Variants in SHISA6 observed in about 807,000 individuals in gnomAD.
SHISA6 encodes protein shisa-6.
A neutral mutation model predicts 47.9 loss-of-function variants in SHISA6; 22 were observed. The observed-to-expected ratio is 0.46, with a 90% CI of 0.33 to 0.66. The LOEUF (loss-of-function observed/expected upper bound fraction) is 0.66. SHISA6 is among the 30% of genes least tolerant of loss of function. The pLI is 0.02. For missense variants in SHISA6, 680 were observed against 764.6 expected (o/e 0.89, Z 1.30); for synonymous variants, 388 against 337.8 (o/e 1.15, Z -1.63).
chr17:11,436,199 T>C (rs1212096012), intron 3 of SHISA6, among the ~76,000 whole-genome samples: 5 of 152,136 alleles, frequency 3.3e-5, no homozygotes, highest in Non-Finnish European at 2.9e-5. Flanking sequence ...AAAGAGAAGG[T>C]CATGTGGGCA....
chr17:11,464,700 T>C (rs1467016926), intron 3 of SHISA6, among the ~76,000 whole-genome samples: 1 of 152,152 alleles, frequency 6.6e-6, no homozygotes, highest in African/African-American at 2.4e-5. Context: ...CCCAGCACTT[T>C]GGGAGGCCAA....
At chr17:11,402,357 T>A (rs1597495309) in intron 3 of SHISA6, among the ~76,000 whole-genome samples, 1 of 152,294 alleles carries the variant, frequency 6.6e-6, no homozygotes, top group South Asian at 2.1e-4. Flanking sequence ...GTGTAAAAAA[T>A]TAGGTTTCTT....
At chr17:11,521,610 CCCAGGGCAACA>C (rs2071630345) in intron 3 of SHISA6, among the ~76,000 whole-genome samples, 10 of 47,344 alleles carry the variant, frequency 2.1e-4, no homozygotes, top group Non-Finnish European at 3.9e-4. Context: ...ATAGTGAGAC[CCCAGGGCAACA>C]TAGTGAGACC....
At chr17:11,438,615 TC>T (rs1915008196) in intron 3 of SHISA6, among the ~76,000 whole-genome samples, 1 of 152,208 alleles carries the variant, frequency 6.6e-6, no homozygotes, top group African/African-American at 2.4e-5. Context: ...TATCAGACTT[TC>T]CTACCCTTAT....
Position 11,263,484 on chromosome 17 carries a change from A to G in SHISA6, c.757A>G (p.Lys253Glu). 1 of 1,551,674 alleles carries G rather than the reference A, an allele frequency of 6.4e-7. No individual in the cohort carries two copies. Among genetic ancestry groups the G allele is most frequent in the Non-Finnish European group, 8.7e-7 (1 of 1,146,948 alleles). The part of the protein sequence containing the change: ...KENTPVRSSS[K>E]NHYTPVRTAK... ...GAACACGCCGGTCAGATCGTCCTCC[A>G]AAAACCACTACACTCCTGTGCGTAC... Residue 253 changes from lysine to glutamate, a missense_variant, in exon 2 of 6, where the codon AAA becomes GAA. Lys to Glu is a moderately conservative substitution (Grantham distance 56). Transcript: ENST00000441885.
intron 1 of SHISA6, among the ~76,000 whole-genome samples, chr17:11,253,459 A>C (rs569992603): frequency 6.6e-6 from 1 of 152,306 alleles, no homozygotes; most frequent in African/African-American, 2.4e-5. Context: ...TTGGCATGTT[A>C]ATTCCAAATC....
chr17:11,450,086 C>T (rs1196516560), intron 3 of SHISA6, among the ~76,000 whole-genome samples: 1 of 152,036 alleles, frequency 6.6e-6, no homozygotes, highest in Admixed American at 6.5e-5. Flanking sequence ...GGAGTTTCAC[C>T]ATGTTAGCCA....
chr17:11,383,343 A>G (rs182631783), intron 3 of SHISA6, among the ~76,000 whole-genome samples: 125 of 152,280 alleles, frequency 8.2e-4, no homozygotes, highest in African/African-American at 2.9e-3. Flanking sequence ...AAGAATGCAT[A>G]TGGATCTGTC....
At chr17:11,315,367 C>G (rs1177657588) in intron 2 of SHISA6, among the ~76,000 whole-genome samples, 3 of 152,034 alleles carry the variant, frequency 2.0e-5, no homozygotes, top group Non-Finnish European at 2.9e-5. Context: ...AGTAAACTGT[C>G]GTATCACCTG....
chr17:11,347,647 C>T (rs8072140), intron 2 of SHISA6, among the ~76,000 whole-genome samples: 16,198 of 152,128 alleles, frequency 0.11, 899 homozygotes, highest in African/African-American at 0.13. Context: ...TCAAATGCAA[C>T]CTCACTATAA....
chr17:11,375,822 T>A (rs2142241529), intron 2 of SHISA6, among the ~76,000 whole-genome samples: 1 of 152,246 alleles, frequency 6.6e-6, no homozygotes, highest in South Asian at 2.1e-4. Flanking sequence ...TTTGTTGCTT[T>A]AGGGAGGGTT....
chr17:11,386,275 T>C (rs1308031460), intron 3 of SHISA6, among the ~76,000 whole-genome samples: 1 of 152,080 alleles, frequency 6.6e-6, no homozygotes, highest in Non-Finnish European at 1.5e-5. Context: ...CTTGGGAGGC[T>C]GAGACAGGAG....
rs559661000 is a variant in SHISA6, at chr17:11,247,759, C to A, written c.638+5699C>A. ...TTCCTGAGTTACGTTTATGACCTCACCTCTTTGGCGTCTTTCTTTTTTTTT... is the reference window on the plus strand; with the variant it reads ...TTCCTGAGTTACGTTTATGACCTCAACTCTTTGGCGTCTTTCTTTTTTTTT... On this transcript the variant is annotated intron_variant, in intron 1 of 5. Coordinates refer to ENST00000441885, the MANE Select transcript of SHISA6 (RefSeq NM_207386.4). Among the ~76,000 whole-genome samples, 5 of 151,702 alleles carry A rather than the reference C, an allele frequency of 3.3e-5. No homozygotes were observed. In the South Asian group the frequency reaches 8.3e-4, roughly 25 times the overall value.
chr17:11,496,736 C>A (rs893821451), intron 3 of SHISA6, among the ~76,000 whole-genome samples: 3 of 133,288 alleles, frequency 2.3e-5, no homozygotes, highest in Non-Finnish European at 3.2e-5. Flanking sequence ...GAGACTCCAT[C>A]TCAAAAAAAA....
chr17:11,523,368 C>A (rs971279087), intron 3 of SHISA6, among the ~76,000 whole-genome samples: 2 of 152,150 alleles, frequency 1.3e-5, no homozygotes, highest in African/African-American at 4.8e-5. Flanking sequence ...TGACAAAACA[C>A]CAAAAAGTGT....
At chr17:11,357,208 ATGAAG>A (rs1158097125) in intron 2 of SHISA6, among the ~76,000 whole-genome samples, 8 of 146,478 alleles carry the variant, frequency 5.5e-5, no homozygotes, top group Admixed American at 1.4e-4. Flanking sequence ...AAAAAAAAAA[ATGAAG>A]AAGAAGAAGA....
Position 11,241,362 on chromosome 17 carries a change from G to C in SHISA6, c.-61G>C. The C allele has an allele frequency of 2.0e-6, 2 of 1,000,292 alleles. No homozygotes were observed. Among genetic ancestry groups the C allele is most frequent in the Non-Finnish European group, 2.4e-6 (2 of 839,404 alleles). 62.0% of individuals were successfully genotyped at this position (1,000,292 alleles called of 1,614,324 possible). A position where few individuals can be genotyped will look rare whatever the true frequency, so the allele number is the denominator to read the frequency against. The stretch of plus-strand genomic sequence containing the variant: ...CCCGCGCGGCGGGTCCTCCGAGCCC[G>C]GCCCGCCGGGGGAGCGGCCTGCCGC... On this transcript the variant is annotated 5_prime_UTR_variant, in exon 1 of 6. Coordinates refer to ENST00000441885, the MANE Select transcript of SHISA6 (RefSeq NM_207386.4). This position sits in a 1 kb window ranked among gnomAD's most constrained non-coding sequence, Gnocchi z 5.5.
At chr17:11,547,768 G>C (rs912357939) in intron 3 of SHISA6, among the ~76,000 whole-genome samples, 1 of 152,192 alleles carries the variant, frequency 6.6e-6, no homozygotes, top group African/African-American at 2.4e-5. Context: ...GTAATTCTGT[G>C]AAAGAGTACT....
chr17:11,438,768 T>C (rs1235325912), intron 3 of SHISA6, among the ~76,000 whole-genome samples: 2 of 152,192 alleles, frequency 1.3e-5, no homozygotes, highest in Non-Finnish European at 2.9e-5. Context: ...CTCACTCTAT[T>C]TTAAAGACAT....
Sources: allele counts gnomAD v4.1 joint callset (sites outside exome capture counted in the v4.1 genomes callset), GRCh38; gene constraint gnomAD v4.1.1; non-coding constraint Gnocchi (gnomAD v3.1); transcripts MANE v1.5; gene names NCBI Gene and HGNC (gene_info 2026-07-23, HGNC 2026-07-21).